Variants in LSAMP observed in about 807,000 individuals in gnomAD.
LSAMP encodes the protein limbic system associated membrane protein, also known as limbic system-associated membrane protein.
LSAMP carries 7 observed loss-of-function variants against 38.6 expected under a neutral mutation model. The observed-to-expected ratio is 0.18, with a 90% confidence interval of 0.10 to 0.34. The LOEUF is 0.34. LSAMP is among the 10% of genes least tolerant of loss of function. LSAMP has a pLI of 1.00. For missense variants in LSAMP, 313 were observed against 420.0 expected (o/e 0.75, Z 2.23); for synonymous variants, 154 against 166.8 (o/e 0.92, Z 0.59).
intron 1 of LSAMP, among the ~76,000 whole-genome samples, chr3:116,317,837 T>C (rs2047653332): frequency 6.6e-6 from 1 of 151,766 alleles, no homozygotes; most frequent in South Asian, 2.1e-4. Flanking sequence ...AAATGTCTTA[T>C]ATAAAATCAG....
intron 1 of LSAMP, among the ~76,000 whole-genome samples, chr3:116,429,800 C>T (rs1039783837): frequency 6.6e-6 from 1 of 152,020 alleles, no homozygotes; most frequent in African/African-American, 2.4e-5. Context: ...GATTTGCAGA[C>T]GACATCATGT....
intron 1 of LSAMP, among the ~76,000 whole-genome samples, chr3:116,394,092 C>G (rs1339231878): frequency 6.6e-6 from 1 of 152,114 alleles, no homozygotes. Context: ...TTCTATATCT[C>G]TCTTTTTATT....
At chr3:115,877,322 C>T (rs1183059738) in intron 3 of LSAMP, among the ~76,000 whole-genome samples, 1 of 151,816 alleles carries the variant, frequency 6.6e-6, no homozygotes, top group Non-Finnish European at 1.5e-5. Flanking sequence ...ATTCCAGAAA[C>T]AAATGGATGT....
chr3:116,200,699 G>C (rs548790829), intron 1 of LSAMP, among the ~76,000 whole-genome samples: 2 of 152,284 alleles, frequency 1.3e-5, no homozygotes, highest in African/African-American at 4.8e-5. Flanking sequence ...TACATCTTGT[G>C]AAAAGTGTTC....
intron 1 of LSAMP, among the ~76,000 whole-genome samples, chr3:116,243,411 G>A (rs1167345962): frequency 6.6e-6 from 1 of 152,188 alleles, no homozygotes; most frequent in Non-Finnish European, 1.5e-5. Context: ...AGGACTAACT[G>A]CCTGGGGCTA....
At chr3:116,288,025 T>A (rs1305047204) in intron 1 of LSAMP, among the ~76,000 whole-genome samples, 1 of 152,032 alleles carries the variant, frequency 6.6e-6, no homozygotes, top group Non-Finnish European at 1.5e-5. Flanking sequence ...GGCAAAAAGA[T>A]TTAAAAAAAA....
rs1933551887 is a variant in LSAMP, at chr3:115,803,082, C to A, written c.*7235G>T. 1 of 151,982 alleles carries A rather than the reference C, an allele frequency of 6.6e-6. No homozygotes were observed. The highest frequency in any genetic ancestry group is 1.5e-5 in the Non-Finnish European group (1 of 68,044). 9.4% of individuals were successfully genotyped at this position (151,982 alleles called of 1,614,324 possible). A position where few individuals can be genotyped will look rare whatever the true frequency, so the allele number is the denominator to read the frequency against. On this transcript the variant is annotated 3_prime_UTR_variant, in exon 7 of 7. Transcript: ENST00000490035. ...ATGGGTTTTCTTCACTTGCAAGAAG[C>A]ATATTTGTACTGTGCCTGGCTTTAC...
chr3:116,078,438 C>G (rs1217595837), intron 2 of LSAMP, among the ~76,000 whole-genome samples: 1 of 152,014 alleles, frequency 6.6e-6, no homozygotes, highest in East Asian at 1.9e-4. Context: ...CATTATCCTG[C>G]CTCAGCCTCC....
chr3:115,859,674 A>G (rs1033834518), intron 3 of LSAMP, among the ~76,000 whole-genome samples: 3 of 152,242 alleles, frequency 2.0e-5, no homozygotes, highest in African/African-American at 7.2e-5. Flanking sequence ...CTTTGGCTCT[A>G]TGAATGAGCA....
intron 1 of LSAMP, among the ~76,000 whole-genome samples, chr3:116,105,742 G>A (rs1708451276): frequency 6.6e-6 from 1 of 152,220 alleles, no homozygotes; most frequent in African/African-American, 2.4e-5. Flanking sequence ...GCATATACGT[G>A]CAAGTCACAG....
chr3:116,158,861 C>T (rs1290610880), intron 1 of LSAMP, among the ~76,000 whole-genome samples: 1 of 151,900 alleles, frequency 6.6e-6, no homozygotes, highest in African/African-American at 2.4e-5. Context: ...TTAAAATTCA[C>T]GAGAACCAAA....
At chr3:116,294,487 T>TA (rs1400867009) in intron 1 of LSAMP, among the ~76,000 whole-genome samples, 1 of 152,106 alleles carries the variant, frequency 6.6e-6, no homozygotes, top group African/African-American at 2.4e-5. Flanking sequence ...CAATCTGAAA[T>TA]AAAAAGAAAT....
chr3:115,871,130 C>T (rs186555167), intron 3 of LSAMP, among the ~76,000 whole-genome samples: 18 of 152,208 alleles, frequency 1.2e-4, no homozygotes, highest in Admixed American at 1.0e-3. Context: ...ATTCCAAATT[C>T]ACAGTAAATC....
rs869194627 is a variant in LSAMP, at chr3:116,268,698, TC to T, written c.155+176178del. Among the ~76,000 whole-genome samples the T allele has an allele frequency of 1.1e-4, 3 of 28,432 alleles. No homozygotes were observed. In the Non-Finnish European group the frequency reaches 1.2e-3, roughly 11 times the overall value. The allele number at this position is 28,432 out of a possible 152,430, so 18.7% of individuals were successfully genotyped here. On this transcript the variant is annotated intron_variant, in intron 1 of 6. Transcript: ENST00000490035. The stretch of plus-strand genomic sequence containing the variant: ...TGATTAAACAATTTTTTTCTATTTT[TC>T]TTTCTTTCTTTAAAAATTTTACTCT...
chr3:115,985,271 T>C (rs1428019839), intron 3 of LSAMP, among the ~76,000 whole-genome samples: 1 of 152,058 alleles, frequency 6.6e-6, no homozygotes, highest in Non-Finnish European at 1.5e-5. Context: ...AAATACAAAA[T>C]GGAATATTGG....
At chr3:116,387,203 G>A (rs890029659) in intron 1 of LSAMP, among the ~76,000 whole-genome samples, 2 of 152,102 alleles carry the variant, frequency 1.3e-5, no homozygotes, top group African/African-American at 2.4e-5. Flanking sequence ...CTGGCACTCA[G>A]GATAAATGGA....
At chr3:116,069,867 G>A (rs1233691980) in intron 2 of LSAMP, among the ~76,000 whole-genome samples, 2 of 152,118 alleles carry the variant, frequency 1.3e-5, no homozygotes, top group Non-Finnish European at 1.5e-5. Flanking sequence ...AAAGGGAAAC[G>A]CTGGCAATGA....
intron 1 of LSAMP, among the ~76,000 whole-genome samples, chr3:116,296,694 CAAAAAAAAAAAA>C (rs10659032): frequency 2.0e-4 from 12 of 59,732 alleles, no homozygotes; most frequent in African/African-American, 5.3e-4. Context: ...GACTCTGTCT[CAAAAAAAAAAAA>C]AAAAAAAAAA....
At chr3:115,908,408 T>C (rs1324311650) in intron 3 of LSAMP, among the ~76,000 whole-genome samples, 1 of 147,986 alleles carries the variant, frequency 6.8e-6, no homozygotes, top group Non-Finnish European at 1.5e-5. Flanking sequence ...TTAGTATATC[T>C]GTCTACCTGC....
Sources: gnomAD v4.1 joint callset for allele counts (sites outside exome capture counted in the v4.1 genomes callset) on GRCh38, gnomAD v4.1.1 for gene constraint, MANE v1.5 for transcripts, NCBI Gene and HGNC (gene_info 2026-07-23, HGNC 2026-07-21) for gene names.